ATP1B3: variants seen among roughly 807,000 people sequenced by gnomAD.
ATP1B3 encodes ATPase Na+/K+ transporting subunit beta 3, also known as sodium/potassium-transporting ATPase subunit beta-3.
ATP1B3 carries 10 observed loss-of-function variants against 30.2 expected under a neutral mutation model. The ratio of observed to expected loss-of-function variants is 0.33; its 90% confidence interval spans 0.20 to 0.56. The LOEUF (loss-of-function observed/expected upper bound fraction) is 0.56, where lower values mean the gene tolerates loss of function less well. ATP1B3 is among the 20% of genes least tolerant of loss of function. The probability of loss-of-function intolerance (pLI) is 0.90; values close to 1 mark genes in which losing one functional copy is unlikely to be tolerated. For synonymous variants in ATP1B3, 113 were observed against 117.0 expected, an observed-to-expected ratio of 0.97 and a Z score of 0.22; for missense variants, 238 against 336.7, an observed-to-expected ratio of 0.71 and a Z score of 2.29.
Position 141,907,277 on chromosome 3 carries a change from G to A in ATP1B3, c.346+3G>A. On this transcript the variant is annotated splice_donor_region_variant and intron_variant, in intron 3 of 6. Coordinates refer to ENST00000286371, the MANE Select transcript of ATP1B3 (RefSeq NM_001679.4). ...AGACCTTAAGAAGTTTCTAAAACGTGAGTATGTTTTCTTAGAGTAAGGTCA... is the reference window on the plus strand; with the variant it reads ...AGACCTTAAGAAGTTTCTAAAACGTAAGTATGTTTTCTTAGAGTAAGGTCA... The A allele has an allele frequency of 6.2e-7, 1 of 1,603,406 alleles. No individual in the cohort carries two copies. The highest frequency in any genetic ancestry group is 8.5e-7 in the Non-Finnish European group (1 of 1,173,132).
intron 5 of ATP1B3, 57 bp downstream of exon 5, chr3:141,916,077 A>AGAAAC: frequency 6.8e-7 from 1 of 1,463,462 alleles, no homozygotes; most frequent in Non-Finnish European, 9.4e-7. Context: ...AAATACTTTA[A>AGAAAC]AAGTCTAATG....
chr3:141,877,038 C>T (rs1933612154), intron 1 of ATP1B3, 128 bp downstream of exon 1: 1 of 595,760 alleles, frequency 1.7e-6, no homozygotes, highest in Non-Finnish European at 2.6e-6. Context: ...GACCCTAACC[C>T]GGGCGGCGGC....
chr3:141,879,676 G>A (rs1023168637), intron 1 of ATP1B3, among the ~76,000 whole-genome samples: 1 of 151,086 alleles, frequency 6.6e-6, no homozygotes. Flanking sequence ...CTACTTGGGA[G>A]GCTGAGGCAG....
chr3:141,899,219 A>G (rs902608640), intron 1 of ATP1B3, among the ~76,000 whole-genome samples: 3 of 152,254 alleles, frequency 2.0e-5, no homozygotes, highest in African/African-American at 7.2e-5. Context: ...TATGCGAATA[A>G]TATTGTTAAA....
intron 5 of ATP1B3, among the ~76,000 whole-genome samples, chr3:141,920,079 A>G (rs537976135): frequency 1.3e-5 from 2 of 152,366 alleles, no homozygotes; most frequent in South Asian, 2.1e-4. Flanking sequence ...GTATAAATTA[A>G]AAGATTAAGA....
intron 1 of ATP1B3, among the ~76,000 whole-genome samples, chr3:141,886,325 C>T (rs910145732): frequency 1.3e-5 from 2 of 152,160 alleles, no homozygotes; most frequent in Non-Finnish European, 2.9e-5. Flanking sequence ...TCTGTGCACA[C>T]GAATTCTTCC....
At chr3:141,916,085 A>T in intron 5 of ATP1B3, 65 bp downstream of exon 5, 4 of 1,421,368 alleles carry the variant, frequency 2.8e-6, no homozygotes, top group Non-Finnish European at 3.9e-6. Context: ...TAAAAGTCTA[A>T]TGATTTAGTC....
intron 2 of ATP1B3, 27 bp from the exon 3 acceptor site, chr3:141,907,140 T>C: frequency 6.6e-7 from 1 of 1,515,284 alleles, no homozygotes; most frequent in Non-Finnish European, 9.0e-7. Flanking sequence ...GGAAATTTGA[T>C]AATCTCTCCC....
At chr3:141,900,986 T>C (rs534842364) in intron 1 of ATP1B3, among the ~76,000 whole-genome samples, 4 of 152,296 alleles carry the variant, frequency 2.6e-5, no homozygotes, top group African/African-American at 9.6e-5. Flanking sequence ...TTTCATCATA[T>C]TGGCCAGGCT....
In ATP1B3 at chr3:141,882,538, A is replaced by T. The variant is rs529665489; in HGVS notation, c.109+5628A>T. ...TATCTAGTCTGGTGGCTTAGTTACT[A>T]TCTCTGTTGGGACTCCCAAAGCTGC... On this transcript the variant is annotated intron_variant, in intron 1 of 6. Transcript: ENST00000286371. 3.3e-5 allele frequency among the ~76,000 whole-genome samples: 5 copies of T among 152,124 alleles called. No individual in the cohort carries two copies. In the South Asian group the frequency reaches 1.0e-3, roughly 32 times the overall value.
chr3:141,899,905 A>C (rs114070280), intron 1 of ATP1B3, among the ~76,000 whole-genome samples: 4,575 of 152,130 alleles, frequency 0.03, 91 homozygotes, highest in Non-Finnish European at 0.044. Flanking sequence ...GTGGCACACA[A>C]CTGTAGTCCC....
intron 6 of ATP1B3, among the ~76,000 whole-genome samples, chr3:141,922,914 C>T (rs868053340): frequency 2.6e-5 from 4 of 151,986 alleles, no homozygotes; most frequent in Non-Finnish European, 5.9e-5. Flanking sequence ...TACAGTGAGC[C>T]GAGATTGTGC....
At chr3:141,885,505 A>G (rs1334622208) in intron 1 of ATP1B3, among the ~76,000 whole-genome samples, 1 of 151,968 alleles carries the variant, frequency 6.6e-6, no homozygotes, top group African/African-American at 2.4e-5. Context: ...CTGGAGTGCA[A>G]TGGCACAATC....
chr3:141,899,113 G>A (rs1324470717), intron 1 of ATP1B3, among the ~76,000 whole-genome samples: 2 of 152,098 alleles, frequency 1.3e-5, no homozygotes, highest in Non-Finnish European at 2.9e-5. Flanking sequence ...TGGAGTTTTG[G>A]GAGGAGGTGT....
chr3:141,906,403 C>T (rs1164228589), intron 2 of ATP1B3, among the ~76,000 whole-genome samples: 1 of 152,134 alleles, frequency 6.6e-6, no homozygotes, highest in Non-Finnish European at 1.5e-5. Flanking sequence ...TGGTCTCGAC[C>T]TCCTGACCTC....
chr3:141,885,880 AACACACACACACAC>A (rs146684460), intron 1 of ATP1B3, among the ~76,000 whole-genome samples: 81 of 141,744 alleles, frequency 5.7e-4, no homozygotes, highest in African/African-American at 1.2e-3. Flanking sequence ...GCTGCGTTAA[AACACACACACACAC>A]ACACACACAC....
At chr3:141,894,130 C>T (rs1289793539) in intron 1 of ATP1B3, among the ~76,000 whole-genome samples, 2 of 152,072 alleles carry the variant, frequency 1.3e-5, no homozygotes, top group Admixed American at 6.6e-5. Context: ...AAATGGTATA[C>T]CTGTATAGGG....
Position 141,926,442 on chromosome 3 carries a change from T to C in ATP1B3, c.*741T>C, listed in dbSNP as rs1934662668. On this transcript the variant is annotated 3_prime_UTR_variant, in exon 7 of 7. Coordinates refer to ENST00000286371, the MANE Select transcript of ATP1B3 (RefSeq NM_001679.4). ...CATAAGACTTAATTTGTACAATAGT[T>C]TGTGAAATATCTTGTTACTGCTTTT... 2 of 152,304 alleles carry C rather than the reference T, an allele frequency of 1.3e-5. No individual in the cohort carries two copies. Among genetic ancestry groups the C allele is most frequent in the African/African-American group, 4.8e-5 (2 of 41,572 alleles). 9.4% of individuals were successfully genotyped at this position (152,304 alleles called of 1,614,324 possible).
rs775182342 is a variant in ATP1B3, at chr3:141,890,285, CT to C, written c.110-13300del. 1.6e-3 allele frequency among the ~76,000 whole-genome samples: 45 copies of C among 28,564 alleles called. 5 individuals are homozygous for C. Among genetic ancestry groups the C allele is most frequent in the African/African-American group, 5.2e-3 (36 of 6,926 alleles). The allele number at this position is 28,564 out of a possible 152,430, so 18.7% of individuals were successfully genotyped here. A position where few individuals can be genotyped will look rare whatever the true frequency, so the allele number is the denominator to read the frequency against. On this transcript the variant is annotated intron_variant, in intron 1 of 6. Transcript: ENST00000286371. ...TTTGTTTGTTTGTTTTTTTGTGGGG[CT>C]TTTTTTTTTTTTTTTTTTTTTTTTT...
Sources: gnomAD v4.1 joint callset for allele counts (sites outside exome capture counted in the v4.1 genomes callset) on GRCh38, gnomAD v4.1.1 for gene constraint, MANE v1.5 for transcripts, NCBI Gene and HGNC (gene_info 2026-07-23, HGNC 2026-07-21) for gene names.